Variants in THADA observed in about 807,000 individuals in gnomAD.
The protein encoded by THADA is tRNA (32-2'-O)-methyltransferase regulator THADA.
A neutral mutation model predicts 219.8 loss-of-function variants in THADA; 213 were observed. The observed-to-expected ratio is 0.97, with a 90% CI of 0.87 to 1.09. The LOEUF (loss-of-function observed/expected upper bound fraction) is 1.09, where lower values mean the gene tolerates loss of function less well. THADA is among the 50% of genes least tolerant of loss of function. THADA has a pLI of 0.00. For synonymous variants in THADA, 1,018 were observed against 828.9 expected (o/e 1.23, Z -3.92); for missense variants, 2,956 against 2,311.3 (o/e 1.28, Z -5.72).
At chr2:43,268,284 A>T (rs772577516) in intron 36 of THADA, among the ~76,000 whole-genome samples, 4 of 152,086 alleles carry the variant, frequency 2.6e-5, no homozygotes, top group Non-Finnish European at 4.4e-5. Context: ...TCTCCTCCTA[A>T]CGCTCATACA....
intron 26 of THADA, among the ~76,000 whole-genome samples, chr2:43,481,469 C>T (rs1222438593): frequency 6.6e-6 from 1 of 152,122 alleles, no homozygotes; most frequent in East Asian, 1.9e-4. Flanking sequence ...TTCAATCTAC[C>T]TGTTTCCATG....
intron 36 of THADA, among the ~76,000 whole-genome samples, chr2:43,247,557 C>T (rs896277629): frequency 2.6e-5 from 4 of 151,624 alleles, no homozygotes; most frequent in East Asian, 1.9e-4. Context: ...GGTGAAGCCC[C>T]GTCTCTACTA....
intron 35 of THADA, among the ~76,000 whole-genome samples, chr2:43,283,661 T>C (rs1313830466): frequency 6.6e-6 from 1 of 152,202 alleles, no homozygotes; most frequent in African/African-American, 2.4e-5. Flanking sequence ...GAGAGATGAC[T>C]GAGGGTATCC....
intron 22 of THADA, among the ~76,000 whole-genome samples, chr2:43,513,537 T>C (rs1364317245): frequency 6.6e-6 from 1 of 152,102 alleles, no homozygotes; most frequent in Non-Finnish European, 1.5e-5. Context: ...GCTGTAGCAG[T>C]AGGAAAAGCC....
chr2:43,416,512 C>T (rs186974384), intron 28 of THADA, among the ~76,000 whole-genome samples: 91 of 152,212 alleles, frequency 6.0e-4, no homozygotes, highest in Non-Finnish European at 9.7e-4. Flanking sequence ...TGTGATTATT[C>T]AGACTGAGGC....
chr2:43,251,126 A>G (rs977760788), intron 36 of THADA, among the ~76,000 whole-genome samples: 1 of 152,162 alleles, frequency 6.6e-6, no homozygotes, highest in African/African-American at 2.4e-5. Flanking sequence ...TTCTGGTAAT[A>G]AAGCAAGACA....
At chr2:43,507,732 G>A (rs1030314954) in intron 23 of THADA, among the ~76,000 whole-genome samples, 6 of 152,024 alleles carry the variant, frequency 3.9e-5, no homozygotes, top group Non-Finnish European at 7.4e-5. Flanking sequence ...CCATATTCCC[G>A]GATTTAATCT....
chr2:43,374,492 G>C (rs1671157931), intron 29 of THADA, among the ~76,000 whole-genome samples: 2 of 152,134 alleles, frequency 1.3e-5, no homozygotes, highest in Non-Finnish European at 2.9e-5. Context: ...AGGACTAATA[G>C]TATTATTACA....
At chr2:43,277,252 A>G (rs1672824418) in intron 36 of THADA, 1 of 152,434 alleles carries the variant, frequency 6.6e-6, no homozygotes, top group Admixed American at 6.5e-5. Flanking sequence ...GGGCCTTGGC[A>G]CTGAGCCATC....
At chr2:43,523,712 A>C (rs2103702133) in intron 22 of THADA, among the ~76,000 whole-genome samples, 1 of 152,318 alleles carries the variant, frequency 6.6e-6, no homozygotes, top group Admixed American at 6.5e-5. Context: ...ACTAAATGTC[A>C]CAATTTAATT....
intron 30 of THADA, among the ~76,000 whole-genome samples, chr2:43,328,121 C>T (rs1679542945): frequency 6.6e-6 from 1 of 152,216 alleles, no homozygotes. Flanking sequence ...CAATTTTTAC[C>T]ATGGCCCCCA....
intron 28 of THADA, among the ~76,000 whole-genome samples, chr2:43,424,919 C>G (rs879644643): frequency 7.2e-5 from 11 of 152,262 alleles, no homozygotes; most frequent in Admixed American, 3.9e-4. Flanking sequence ...AAATAAGGAA[C>G]AGATCCCACC....
At position 43,293,124 on chromosome 2, in the gene THADA, G is replaced by C. The variant is rs1558531907; in HGVS notation, c.4528C>G (p.Pro1510Ala). ...ITGFPWAFKV[P>A]GLPQYLQSLT... ...CTCTGGAGGTACTGGGGCAGGCCTG[G>C]CACCTTGAAGGCCCAAGGGAATCCC... The change falls in exon 32 of 38, where the codon CCA becomes GCA. Residue 1510 changes from proline (P) to alanine (A), a missense_variant. Pro to Ala is a conservative substitution (Grantham distance 27). Transcript: ENST00000405975. 3.7e-6 allele frequency: 6 copies of C among 1,613,850 alleles called. No individual in the cohort carries two copies. Among genetic ancestry groups the C allele is most frequent in the East Asian group, 2.2e-5 (1 of 44,892 alleles).
At chr2:43,436,533 C>T (rs1369150737) in intron 26 of THADA, among the ~76,000 whole-genome samples, 1 of 152,192 alleles carries the variant, frequency 6.6e-6, no homozygotes, top group Non-Finnish European at 1.5e-5. Context: ...ATGGCCTTGG[C>T]TCCAAGCACC....
intron 28 of THADA, among the ~76,000 whole-genome samples, chr2:43,401,018 T>C (rs1046256370): frequency 2.0e-5 from 3 of 152,158 alleles, no homozygotes; most frequent in Non-Finnish European, 4.4e-5. Context: ...TCTCAGTGTC[T>C]TCCATAAAAT....
intron 26 of THADA, among the ~76,000 whole-genome samples, chr2:43,477,243 T>TGA (rs372274663): frequency 9.4e-4 from 139 of 148,362 alleles, no homozygotes; most frequent in East Asian, 3.3e-3. Flanking sequence ...ATATGTTCTT[T>TGA]GAGAGAGAGA....
At chr2:43,400,482 T>C (rs1052657366) in intron 28 of THADA, among the ~76,000 whole-genome samples, 10 of 146,728 alleles carry the variant, frequency 6.8e-5, no homozygotes, top group South Asian at 4.3e-4. Context: ...TATATAAATA[T>C]ATACACTAAG....
chr2:43,360,553 T>A (rs1669390978), intron 29 of THADA, among the ~76,000 whole-genome samples: 1 of 152,204 alleles, frequency 6.6e-6, no homozygotes, highest in Admixed American at 6.5e-5. Context: ...AAGCTCATCT[T>A]GAGGAAACTA....
intron 29 of THADA, among the ~76,000 whole-genome samples, chr2:43,348,938 G>C (rs1046422372): frequency 6.6e-6 from 1 of 152,156 alleles, no homozygotes; most frequent in Non-Finnish European, 1.5e-5. Context: ...GCTGTAATAG[G>C]TCCCTTGGAG....
Sources: allele counts gnomAD v4.1 joint callset (sites outside exome capture counted in the v4.1 genomes callset), GRCh38; gene constraint gnomAD v4.1.1; transcripts MANE v1.5; gene names NCBI Gene and HGNC (gene_info 2026-07-23, HGNC 2026-07-21).